CYB5R4: variants seen among roughly 807,000 people sequenced by gnomAD.
CYB5R4 encodes cytochrome b5 reductase 4.
A neutral mutation model predicts 70.2 loss-of-function variants in CYB5R4; 55 were observed. That is an observed-to-expected ratio of 0.78 (90% CI 0.63 to 0.98). The LOEUF (loss-of-function observed/expected upper bound fraction) is 0.98. Ranked by LOEUF, CYB5R4 falls within the 50% of genes least tolerant of loss-of-function variation. CYB5R4 has a pLI of 0.00. For synonymous variants in CYB5R4, 197 were observed against 199.5 expected, an observed-to-expected ratio of 0.99 and a Z score of 0.11; for missense variants, 562 against 612.6, an observed-to-expected ratio of 0.92 and a Z score of 0.87.
chr6:83,945,997 A>G (rs998384983), intron 14 of CYB5R4, among the ~76,000 whole-genome samples: 4 of 152,208 alleles, frequency 2.6e-5, no homozygotes, highest in African/African-American at 9.7e-5. Flanking sequence ...CAGAGATACA[A>G]AGAGGAGCTG....
chr6:83,868,091 A>T (rs899051323), intron 2 of CYB5R4, among the ~76,000 whole-genome samples: 1 of 152,148 alleles, frequency 6.6e-6, no homozygotes, highest in Non-Finnish European at 1.5e-5. Flanking sequence ...TGCCAACTTT[A>T]GTCTTGAAGG....
At position 83,878,598 on chromosome 6, in the gene CYB5R4, G is replaced by A. The variant is rs571689095; in HGVS notation, c.229+14270G>A. 5.3e-5 allele frequency among the ~76,000 whole-genome samples: 8 copies of A among 152,204 alleles called. No homozygotes were observed. The South Asian group carries it at 8.3e-4, about 16-fold the overall frequency. On this transcript the variant is annotated intron_variant, in intron 2 of 15. Coordinates refer to ENST00000369681, the MANE Select transcript of CYB5R4 (RefSeq NM_016230.4). ...CCTGACCTTGTGATCCACCTGCCTC[G>A]GCCTCCCAAAGTGCTAGGATTACAG...
intron 10 of CYB5R4, among the ~76,000 whole-genome samples, chr6:83,932,552 A>G (rs1223797974): frequency 6.6e-6 from 1 of 152,190 alleles, no homozygotes; most frequent in East Asian, 1.9e-4. Flanking sequence ...CCTGGGTTCC[A>G]CACTTGGAGA....
intron 5 of CYB5R4, among the ~76,000 whole-genome samples, chr6:83,917,135 T>C (rs2099465646): frequency 6.6e-6 from 1 of 152,124 alleles, no homozygotes; most frequent in Non-Finnish European, 1.5e-5. Flanking sequence ...TAGTGGGCTT[T>C]TAAAATGCAT....
At chr6:83,880,123 C>T (rs2099459225) in intron 2 of CYB5R4, among the ~76,000 whole-genome samples, 1 of 152,074 alleles carries the variant, frequency 6.6e-6, no homozygotes, top group Non-Finnish European at 1.5e-5. Flanking sequence ...TTTATTGACA[C>T]GTAATTGTAC....
Position 83,936,333 on chromosome 6 carries a change from TCC to T in CYB5R4, c.1067_1068del (p.Pro356HisfsTer9). The T allele has an allele frequency of 6.2e-7, 1 of 1,612,498 alleles. No homozygotes were observed. Among genetic ancestry groups the T allele is most frequent in the Non-Finnish European group, 8.5e-7 (1 of 1,179,458 alleles). On this transcript the variant is annotated frameshift_variant, in exon 12 of 16. Transcript: ENST00000369681. LOFTEE classifies it high-confidence loss of function. ...ACATCTACTTTTTGATAAAAATCTA[TCC>T]CACTGGACTCTTCACACCAGAGCTT... is the stretch of plus-strand genomic sequence containing the variant. ...KYIYFLIKIYPTGLFTPELDR... is the reference protein window; with the variant it reads ...KYIYFLIKIYXTGLFTPELDR...
In CYB5R4 at chr6:83,934,579, A is replaced by C; in HGVS notation, c.815-16A>C. On this transcript the variant is annotated splice_polypyrimidine_tract_variant and intron_variant, in intron 10 of 15. Coordinates refer to ENST00000369681, the MANE Select transcript of CYB5R4 (RefSeq NM_016230.4). ...TTACTTTATGTATCAATAAGAGAAA[A>C]TGAATCACTTTTTAGGTTTGTACTA... is the stretch of plus-strand genomic sequence containing the variant. 1 of 1,580,824 alleles carries C rather than the reference A, an allele frequency of 6.3e-7. No individual in the cohort carries two copies. Among genetic ancestry groups the C allele is most frequent in the Non-Finnish European group, 8.7e-7 (1 of 1,154,350 alleles).
intron 8 of CYB5R4, among the ~76,000 whole-genome samples, chr6:83,921,850 G>A (rs1054235377): frequency 1.3e-5 from 2 of 152,200 alleles, no homozygotes; most frequent in African/African-American, 4.8e-5. Flanking sequence ...GCAGACATTT[G>A]TAAGCGTATT....
intron 3 of CYB5R4, among the ~76,000 whole-genome samples, chr6:83,907,795 A>G (rs1411639140): frequency 3.3e-5 from 5 of 152,190 alleles, no homozygotes; most frequent in African/African-American, 4.8e-5. Context: ...ATGTTCCTGC[A>G]AAAGATATAA....
chr6:83,889,837 G>T (rs993384431), intron 2 of CYB5R4, among the ~76,000 whole-genome samples: 1 of 152,124 alleles, frequency 6.6e-6, no homozygotes, highest in East Asian at 1.9e-4. Flanking sequence ...ACATCACATA[G>T]CAAAAGCAGA....
At chr6:83,878,738 T>A (rs1338827013) in intron 2 of CYB5R4, among the ~76,000 whole-genome samples, 1 of 152,184 alleles carries the variant, frequency 6.6e-6, no homozygotes, top group Non-Finnish European at 1.5e-5. Flanking sequence ...GTACATTTTT[T>A]TTTTTCTGGC....
At chr6:83,900,018 G>A (rs1045818190) in intron 3 of CYB5R4, among the ~76,000 whole-genome samples, 2 of 151,994 alleles carry the variant, frequency 1.3e-5, no homozygotes, top group Non-Finnish European at 2.9e-5. Flanking sequence ...GCTTTTGAAT[G>A]TGTTTGCTCT....
intron 3 of CYB5R4, among the ~76,000 whole-genome samples, chr6:83,907,520 A>G (rs2099463988): frequency 6.7e-6 from 1 of 149,840 alleles, no homozygotes; most frequent in South Asian, 2.1e-4. Context: ...GTACGTGTGC[A>G]GGTTTGTTAT....
intron 2 of CYB5R4, among the ~76,000 whole-genome samples, chr6:83,881,355 T>G (rs541959036): frequency 2.6e-5 from 4 of 152,156 alleles, no homozygotes; most frequent in African/African-American, 7.2e-5. Context: ...TTAAATTTTT[T>G]ATAGAGATAG....
chr6:83,874,907 C>A (rs375813945), intron 2 of CYB5R4, among the ~76,000 whole-genome samples: 2 of 152,014 alleles, frequency 1.3e-5, no homozygotes, highest in Non-Finnish European at 2.9e-5. Context: ...ACTGCAACCT[C>A]CGCCTCCCAG....
At chr6:83,876,302 T>G (rs1288800855) in intron 2 of CYB5R4, among the ~76,000 whole-genome samples, 1 of 152,156 alleles carries the variant, frequency 6.6e-6, no homozygotes, top group Non-Finnish European at 1.5e-5. Context: ...TTCTTAAGGG[T>G]CATTTTTGTC....
chr6:83,918,605 A>G (rs2099465873), intron 6 of CYB5R4, among the ~76,000 whole-genome samples: 1 of 151,970 alleles, frequency 6.6e-6, no homozygotes. Flanking sequence ...TATTTTTTAT[A>G]TCTAGTTCAT....
intron 7 of CYB5R4, 31 bp from the exon 8 acceptor site, chr6:83,921,051 C>A: frequency 1.4e-6 from 2 of 1,418,486 alleles, no homozygotes; most frequent in East Asian, 2.6e-5. Flanking sequence ...ATTTTACTTT[C>A]TAATCTTTCT....
intron 12 of CYB5R4, among the ~76,000 whole-genome samples, chr6:83,938,894 T>C (rs2099469327): frequency 6.6e-6 from 1 of 151,706 alleles, no homozygotes; most frequent in Admixed American, 6.6e-5. Context: ...TGCAGTGGCA[T>C]CGCAATCTCG....
Sources: gnomAD v4.1 joint callset for allele counts (sites outside exome capture counted in the v4.1 genomes callset) on GRCh38, gnomAD v4.1.1 for gene constraint, MANE v1.5 for transcripts, NCBI Gene and HGNC (gene_info 2026-07-23, HGNC 2026-07-21) for gene names.